RBM19: variants seen among roughly 807,000 people sequenced by gnomAD.
The protein encoded by RBM19 is probable RNA-binding protein 19.
In RBM19, 94 loss-of-function variants were observed where a neutral mutation model predicts 116.8. That is an observed-to-expected ratio of 0.80 (90% CI 0.68 to 0.95). The LOEUF is 0.95. RBM19 is among the 40% of genes least tolerant of loss of function. The pLI is 0.00. For synonymous variants in RBM19, 475 were observed against 494.1 expected (o/e 0.96, Z 0.51); for missense variants, 1,161 against 1,220.7 (o/e 0.95, Z 0.73).
intron 21 of RBM19, among the ~76,000 whole-genome samples, chr12:113,873,700 A>G (rs1879460243): frequency 6.6e-6 from 1 of 151,552 alleles, no homozygotes; most frequent in South Asian, 2.1e-4. Context: ...AAAAAAAAAA[A>G]AAAAAAAGAA....
intron 22 of RBM19, among the ~76,000 whole-genome samples, chr12:113,851,379 A>G (rs542458662): frequency 5.3e-5 from 8 of 152,312 alleles, no homozygotes; most frequent in African/African-American, 1.9e-4. Flanking sequence ...TGAGACGAGG[A>G]GACAAAAGTG....
chr12:113,842,600 G>A (rs1464295803), intron 23 of RBM19, among the ~76,000 whole-genome samples: 1 of 152,212 alleles, frequency 6.6e-6, no homozygotes, highest in Admixed American at 6.5e-5. Flanking sequence ...TAAGAGAGAT[G>A]AGCACGACAC....
At chr12:113,962,497 C>A in intron 1 of RBM19, 83 bp from the exon 2 acceptor site, 3 of 1,382,966 alleles carry the variant, frequency 2.2e-6, no homozygotes, top group Non-Finnish European at 3.0e-6. Flanking sequence ...CCTGAGGCCA[C>A]GAGATTCTCC....
In RBM19 at chr12:113,874,372, G is replaced by A. The variant is rs57064513; in HGVS notation, c.2559-15476C>T. Among the ~76,000 whole-genome samples, 656 of 152,332 alleles carry A rather than the reference G, an allele frequency of 4.3e-3. 7 individuals carry two copies. The highest frequency in any genetic ancestry group is 0.014 in the African/African-American group (596 of 41,576). ...TCTCAATACCTGAAATAAGAAACGG[G>A]GAGTGGGAGGAAGCGGCACTTGCTG... On this transcript the variant is annotated intron_variant, in intron 21 of 23. Transcript: ENST00000261741.
chr12:113,856,030 G>A (rs1877873951), intron 22 of RBM19, among the ~76,000 whole-genome samples: 1 of 152,218 alleles, frequency 6.6e-6, no homozygotes, highest in Non-Finnish European at 1.5e-5. Flanking sequence ...CCTGGAAGAC[G>A]AGTGCGTTCC....
chr12:113,881,681 G>A (rs1880145875), intron 21 of RBM19, among the ~76,000 whole-genome samples: 1 of 152,212 alleles, frequency 6.6e-6, no homozygotes, highest in African/African-American at 2.4e-5. Context: ...CAGACAGGAA[G>A]GCAAAACGCT....
chr12:113,821,449 C>A (rs1252156034), downstream of RBM19, among the ~76,000 whole-genome samples: 1 of 152,168 alleles, frequency 6.6e-6, no homozygotes, highest in Non-Finnish European at 1.5e-5. Flanking sequence ...CAGATCTGAG[C>A]AGTGGGAAGG....
At chr12:113,953,486 C>T (rs141193610) in intron 7 of RBM19, among the ~76,000 whole-genome samples, 42 of 152,272 alleles carry the variant, frequency 2.8e-4, no homozygotes, top group African/African-American at 9.1e-4. Flanking sequence ...GAAACTCTGT[C>T]TCAAAACAAC....
At chr12:113,908,190 G>C (rs1344266441) in intron 21 of RBM19, among the ~76,000 whole-genome samples, 1 of 152,234 alleles carries the variant, frequency 6.6e-6, no homozygotes, top group Non-Finnish European at 1.5e-5. Flanking sequence ...AGAATGGGAA[G>C]TCTTCCCCCA....
intron 21 of RBM19, among the ~76,000 whole-genome samples, chr12:113,885,838 T>C (rs1363285444): frequency 1.3e-5 from 2 of 151,916 alleles, no homozygotes; most frequent in African/African-American, 4.8e-5. Flanking sequence ...TAACATCATA[T>C]GCTTTTATAT....
At chr12:113,926,830 G>C (rs962352094) in intron 17 of RBM19, among the ~76,000 whole-genome samples, 1 of 152,012 alleles carries the variant, frequency 6.6e-6, no homozygotes, top group African/African-American at 2.4e-5. Context: ...GTATGTGGTA[G>C]CCCCTATCAG....
intron 11 of RBM19, 77 bp downstream of exon 11, chr12:113,947,257 T>A (rs12304773): frequency 6.3e-5 from 89 of 1,401,868 alleles, no homozygotes; most frequent in Non-Finnish European, 8.0e-5. Flanking sequence ...TCCACACACA[T>A]ACACACACAC....
At chr12:113,829,859 C>A (rs1875215048) in intron 23 of RBM19, among the ~76,000 whole-genome samples, 1 of 152,232 alleles carries the variant, frequency 6.6e-6, no homozygotes, top group Non-Finnish European at 1.5e-5. Flanking sequence ...AGAGGACAGG[C>A]AGTGCCCAGC....
At chr12:113,865,128 G>T (rs1042627746) in intron 21 of RBM19, among the ~76,000 whole-genome samples, 1 of 152,132 alleles carries the variant, frequency 6.6e-6, no homozygotes, top group African/African-American at 2.4e-5. Context: ...TACTTTTCTT[G>T]CTCTCCAATC....
At chr12:113,861,217 C>A (rs1447357200) in intron 21 of RBM19, among the ~76,000 whole-genome samples, 2 of 152,184 alleles carry the variant, frequency 1.3e-5, no homozygotes, top group Admixed American at 6.5e-5. Flanking sequence ...AGAGCTGGGG[C>A]CTCTTTCTTC....
In RBM19 at chr12:113,927,284, T is replaced by G. The variant is rs1869173787; in HGVS notation, c.2069-55A>C. ...CAAAAACATCAAATCCATGAAATAATGTCAAACCCACCAGAGCCCTGGGGC... is the reference window on the plus strand; with the variant it reads ...CAAAAACATCAAATCCATGAAATAAGGTCAAACCCACCAGAGCCCTGGGGC... On this transcript the variant is annotated intron_variant, in intron 16 of 23. Transcript: ENST00000261741. The G allele has an allele frequency of 2.0e-6, 3 of 1,521,722 alleles. No individual in the cohort carries two copies. In the African/African-American group the frequency reaches 4.2e-5, roughly 21 times the overall value. 94.3% of individuals were successfully genotyped at this position (1,521,722 alleles called of 1,614,324 possible).
intron 22 of RBM19, among the ~76,000 whole-genome samples, chr12:113,853,137 C>G (rs569585493): frequency 1.9e-4 from 29 of 152,356 alleles, no homozygotes; most frequent in Middle Eastern, 3.4e-3. Flanking sequence ...ACACTGGCAT[C>G]CCCCAGGCTG....
At position 113,823,104 on chromosome 12, in the gene RBM19, G is replaced by T; in HGVS notation, c.*120C>A. On this transcript the variant is annotated 3_prime_UTR_variant, in exon 24 of 24. Coordinates refer to ENST00000261741, the MANE Select transcript of RBM19 (RefSeq NM_016196.4). Reference sequence around the variant, plus strand: ...TCTCCTCCGACCTTGGACCAGTGCAGGGTGGGGCCGCCTGCCGCTCCCCGC... The same window carrying T: ...TCTCCTCCGACCTTGGACCAGTGCATGGTGGGGCCGCCTGCCGCTCCCCGC... 1 of 884,292 alleles carries T rather than the reference G, an allele frequency of 1.1e-6. No homozygotes were observed. The highest frequency in any genetic ancestry group is 1.7e-6 in the Non-Finnish European group (1 of 578,904). The allele number at this position is 884,292 out of a possible 1,614,324, so 54.8% of individuals were successfully genotyped here.
downstream of RBM19, among the ~76,000 whole-genome samples, chr12:113,818,952 G>C (rs956707449): frequency 2.0e-5 from 3 of 152,204 alleles, no homozygotes; most frequent in African/African-American, 7.2e-5. Context: ...TCCAGGGGTG[G>C]ACCCTTGGTG....
Sources: gnomAD v4.1 joint callset for allele counts (sites outside exome capture counted in the v4.1 genomes callset) on GRCh38, gnomAD v4.1.1 for gene constraint, MANE v1.5 for transcripts, NCBI Gene and HGNC (gene_info 2026-07-23, HGNC 2026-07-21) for gene names.